Variants in SF3B6 observed in about 807,000 individuals in gnomAD.
The protein encoded by SF3B6 is splicing factor 3b subunit 6.
SF3B6 carries 3 observed loss-of-function variants against 15.9 expected under a neutral mutation model. The observed-to-expected ratio is 0.19, with a 90% CI of 0.09 to 0.49. The LOEUF (loss-of-function observed/expected upper bound fraction) is 0.49, where lower values mean the gene tolerates loss of function less well. Among genes scored for constraint, SF3B6 ranks in the 20% least tolerant of loss-of-function variants. The probability of loss-of-function intolerance (pLI) is 0.97; values close to 1 mark genes in which losing one functional copy is unlikely to be tolerated. For missense variants in SF3B6, 71 were observed against 154.3 expected, an observed-to-expected ratio of 0.46 and a Z score of 2.86; for synonymous variants, 49 against 51.1, an observed-to-expected ratio of 0.96 and a Z score of 0.18.
chr2:24,076,265 GA>G lies in SF3B6; in HGVS notation c.-37del. 1 of 1,614,112 alleles carries G rather than the reference GA, an allele frequency of 6.2e-7. No individual in the cohort carries two copies. Among genetic ancestry groups the G allele is most frequent in the South Asian group, 1.1e-5 (1 of 91,086 alleles). ...TGATGAAGTTACCGTAGCAGATACT[GA>G]AATTCCTCCGGAGCTCGCTCGGCTT... On this transcript the variant is annotated 5_prime_UTR_variant, in exon 1 of 4. Coordinates refer to ENST00000233468, the MANE Select transcript of SF3B6 (RefSeq NM_016047.4).
At chr2:24,072,492 A>G (rs896524464) in intron 2 of SF3B6, among the ~76,000 whole-genome samples, 3 of 152,240 alleles carry the variant, frequency 2.0e-5, no homozygotes, top group Non-Finnish European at 4.4e-5. Context: ...CTATGGGAGC[A>G]GAAGAGTGGC....
chr2:24,068,432 TG>T lies in SF3B6; in HGVS notation c.176del (p.Thr59LysfsTer52). The T allele has an allele frequency of 6.2e-7, 1 of 1,613,562 alleles. No individual in the cohort carries two copies. Among genetic ancestry groups the T allele is most frequent in the South Asian group, 1.1e-5 (1 of 90,942 alleles). Reference sequence around the variant, plus strand: ...AGATGTCCTCATAGACCACATAAGCTGTTCCTCTAGTTTCAGGTGTGTTCCC... The same window carrying T: ...AGATGTCCTCATAGACCACATAAGCTTTCCTCTAGTTTCAGGTGTGTTCCC... ...RVGNTPETRG[T>X]AYVVYEDIFD... On this transcript the variant is annotated frameshift_variant, in exon 3 of 4. Coordinates refer to ENST00000233468, the MANE Select transcript of SF3B6 (RefSeq NM_016047.4). LOFTEE classifies it high-confidence loss of function.
Position 24,076,288 on chromosome 2 carries a change from G to A in SF3B6, c.-59C>T. On this transcript the variant is annotated 5_prime_UTR_variant, in exon 1 of 4. Transcript: ENST00000233468. Reference sequence around the variant, plus strand: ...CTGAAATTCCTCCGGAGCTCGCTCGGCTTCGGGGGTTACACCGCGTTAGAT... The same window carrying A: ...CTGAAATTCCTCCGGAGCTCGCTCGACTTCGGGGGTTACACCGCGTTAGAT... The A allele has an allele frequency of 6.2e-7, 1 of 1,607,098 alleles. No individual in the cohort carries two copies. Among genetic ancestry groups the A allele is most frequent in the Non-Finnish European group, 8.5e-7 (1 of 1,173,502 alleles).
intron 2 of SF3B6, among the ~76,000 whole-genome samples, chr2:24,070,104 C>G (rs1363339946): frequency 6.6e-6 from 1 of 152,180 alleles, no homozygotes; most frequent in East Asian, 1.9e-4. Context: ...GGGATAGACA[C>G]TAACCCCACT....
At chr2:24,070,267 G>A (rs1664633418) in intron 2 of SF3B6, among the ~76,000 whole-genome samples, 1 of 152,144 alleles carries the variant, frequency 6.6e-6, no homozygotes, top group Non-Finnish European at 1.5e-5. Context: ...TTGAGACAGA[G>A]TCAACCAATT....
chr2:24,076,304 C>A lies in SF3B6; in HGVS notation c.-75G>T. 1 of 1,564,022 alleles carries A rather than the reference C, an allele frequency of 6.4e-7. No individual in the cohort carries two copies. The highest frequency in any genetic ancestry group is 8.8e-7 in the Non-Finnish European group (1 of 1,134,322). Reference sequence around the variant, plus strand: ...GCTCGCTCGGCTTCGGGGGTTACACCGCGTTAGATGCAGGACATCAACATC... The same window carrying A: ...GCTCGCTCGGCTTCGGGGGTTACACAGCGTTAGATGCAGGACATCAACATC... On this transcript the variant is annotated 5_prime_UTR_variant, in exon 1 of 4. Coordinates refer to ENST00000233468, the MANE Select transcript of SF3B6 (RefSeq NM_016047.4).
intron 2 of SF3B6, among the ~76,000 whole-genome samples, chr2:24,071,598 T>A (rs1664652150): frequency 6.6e-6 from 1 of 151,966 alleles, no homozygotes; most frequent in African/African-American, 2.4e-5. Flanking sequence ...AGAGCGAAAC[T>A]CCATCTTAAA....
chr2:24,071,955 TCA>T (rs1558354151), intron 2 of SF3B6, among the ~76,000 whole-genome samples: 2 of 152,150 alleles, frequency 1.3e-5, no homozygotes, highest in African/African-American at 4.8e-5. Context: ...AGTAAACCAA[TCA>T]CAACCACTTT....
At chr2:24,069,569 A>T (rs1338424113) in intron 2 of SF3B6, among the ~76,000 whole-genome samples, 1 of 152,170 alleles carries the variant, frequency 6.6e-6, no homozygotes, top group Non-Finnish European at 1.5e-5. Context: ...ATGAGGTTTA[A>T]GACTGTGGGC....
chr2:24,074,857 G>C (rs1329652178), intron 1 of SF3B6, among the ~76,000 whole-genome samples: 1 of 152,058 alleles, frequency 6.6e-6, no homozygotes, highest in Non-Finnish European at 1.5e-5. Context: ...GGCCGGGTGC[G>C]GTGGCTCATG....
At chr2:24,076,102 C>T (rs931615414) in intron 1 of SF3B6, 98 bp downstream of exon 1, 15 of 1,477,746 alleles carry the variant, frequency 1.0e-5, no homozygotes, top group Non-Finnish European at 1.4e-5. Flanking sequence ...GAGTTCTCCG[C>T]TCTGGGGACG....
At position 24,068,061 on chromosome 2, in the gene SF3B6, T is replaced by C. The variant is rs1225731667; in HGVS notation, c.289-210A>G. The stretch of plus-strand genomic sequence containing the variant: ...CACTGCAGGCTCCACCCCCTGGGGT[T>C]CACGCCATTCTCCTGCCTCAGCCTC... On this transcript the variant is annotated intron_variant, in intron 3 of 3. Coordinates refer to ENST00000233468, the MANE Select transcript of SF3B6 (RefSeq NM_016047.4). Among the ~76,000 whole-genome samples the C allele has an allele frequency of 4.6e-5, 7 of 152,270 alleles. No homozygotes were observed. The East Asian group carries it at 1.4e-3, about 29-fold the overall frequency.
In SF3B6 at chr2:24,067,604, GT is replaced by G; in HGVS notation, c.*157del. The stretch of plus-strand genomic sequence containing the variant: ...TGAGGTGTTTCACAAAAAGCTACAA[GT>G]TTATTAACATAATGTATTCCAATAT... On this transcript the variant is annotated 3_prime_UTR_variant, in exon 4 of 4. Transcript: ENST00000233468. The G allele has an allele frequency of 5.1e-6, 3 of 587,434 alleles. No homozygotes were observed. The highest frequency in any genetic ancestry group is 8.8e-6 in the Non-Finnish European group (3 of 339,988). The allele number at this position is 587,434 out of a possible 1,614,324, so 36.4% of individuals were successfully genotyped here.
chr2:24,072,976 C>T (rs905983943), intron 2 of SF3B6, among the ~76,000 whole-genome samples: 6 of 152,192 alleles, frequency 3.9e-5, no homozygotes, highest in African/African-American at 1.2e-4. Context: ...GTGTATTCTT[C>T]TGTGGAAGGA....
intron 1 of SF3B6, among the ~76,000 whole-genome samples, chr2:24,075,205 G>C (rs1664714899): frequency 6.6e-6 from 1 of 151,938 alleles, no homozygotes; most frequent in Admixed American, 6.6e-5. Context: ...TGTCTTTGCT[G>C]TTTCCATTTT....
At chr2:24,073,924 G>T (rs982516419) in intron 2 of SF3B6, 152 bp downstream of exon 2, 1 of 588,998 alleles carries the variant, frequency 1.7e-6, no homozygotes, top group Non-Finnish European at 3.0e-6. Context: ...CCTTCAAAAA[G>T]ATCTCATCTC....
chr2:24,069,066 T>C (rs10197428), intron 2 of SF3B6, among the ~76,000 whole-genome samples: 152,183 of 152,330 alleles, frequency 1, 76,018 homozygotes, highest in Middle Eastern at 1. Context: ...AGGCTGGTCT[T>C]AAACTCCTGA....
chr2:24,067,844 T>A lies in SF3B6; in HGVS notation c.296A>T (p.Gln99Leu). The A allele has an allele frequency of 1.2e-6, 2 of 1,613,946 alleles. No individual in the cohort carries two copies. The highest frequency in any genetic ancestry group is 1.7e-6 in the Non-Finnish European group (2 of 1,179,930). ...VLYYNANRAF[Q>L]KMDTKKKEEQ... ...CTCCTTCTTCTTTGTGTCCATCTTCTGAAATGCCTGGAAATGTGGTAAGCA... is the reference window on the plus strand; with the variant it reads ...CTCCTTCTTCTTTGTGTCCATCTTCAGAAATGCCTGGAAATGTGGTAAGCA... Residue 99 changes from glutamine to leucine, a missense_variant, in exon 4 of 4, where the codon CAG becomes CTG. Transcript: ENST00000233468.
intron 2 of SF3B6, among the ~76,000 whole-genome samples, chr2:24,072,131 G>A (rs189400283): frequency 1.5e-4 from 23 of 151,980 alleles, no homozygotes; most frequent in African/African-American, 3.6e-4. Flanking sequence ...CATTACAGGC[G>A]CGTGCCACCA....
Sources: gnomAD v4.1 joint callset for allele counts (sites outside exome capture counted in the v4.1 genomes callset) on GRCh38, gnomAD v4.1.1 for gene constraint, MANE v1.5 for transcripts, NCBI Gene and HGNC (gene_info 2026-07-23, HGNC 2026-07-21) for gene names.